Variants in DENND4A observed in about 807,000 individuals in gnomAD.
The protein encoded by DENND4A is C-myc promoter-binding protein.
Under a neutral mutation model 199.3 loss-of-function variants are expected in DENND4A, and 70 were observed. The observed-to-expected ratio is 0.35, with a 90% CI of 0.29 to 0.43. DENND4A has a LOEUF of 0.43. Among genes scored for constraint, DENND4A ranks in the 20% least tolerant of loss-of-function variants. The pLI, the probability that DENND4A is intolerant of heterozygous loss-of-function variation, is 1.00. For synonymous variants in DENND4A, 686 were observed against 766.9 expected, an observed-to-expected ratio of 0.89 and a Z score of 1.74; for missense variants, 1,723 against 2,255.8, an observed-to-expected ratio of 0.76 and a Z score of 4.78.
intron 23 of DENND4A, among the ~76,000 whole-genome samples, chr15:65,689,770 A>G (rs1431321392): frequency 6.6e-6 from 1 of 152,218 alleles, no homozygotes; most frequent in South Asian, 2.1e-4. Context: ...TGAGGCCCTT[A>G]AAGTCTTCAA....
At chr15:65,727,768 C>T (rs1175003564) in intron 11 of DENND4A, 7 of 331,942 alleles carry the variant, frequency 2.1e-5, no homozygotes, top group East Asian at 1.9e-4. Flanking sequence ...TTTCCTCTTC[C>T]CTGAATAGAT....
In DENND4A at chr15:65,752,492, T is replaced by C. The variant is rs2076593970; in HGVS notation, c.448A>G (p.Asn150Asp). The C allele has an allele frequency of 1.2e-6, 2 of 1,613,612 alleles. No individual in the cohort carries two copies. Among genetic ancestry groups the C allele is most frequent in the Non-Finnish European group, 1.7e-6 (2 of 1,179,808 alleles). ...ACAGCCAACGTATTCTGAGTCATGT[T>C]TTCAGAGGCTCTTCGGTAAGTGATA... ...IYITYRRASE[N>D]MTQNTLAVTD... The change falls in exon 4 of 33, where the codon AAC becomes GAC. Residue 150 changes from asparagine to aspartate, a missense_variant. Coordinates refer to ENST00000443035, the MANE Select transcript of DENND4A (RefSeq NM_001320835.1).
chr15:65,773,804 T>G (rs1355228649), intron 1 of DENND4A, among the ~76,000 whole-genome samples: 1 of 152,200 alleles, frequency 6.6e-6, no homozygotes, highest in Admixed American at 6.5e-5. Context: ...TTTCCTTCTC[T>G]CCTTCTCATC....
chr15:65,736,675 G>A (rs1030855673), intron 7 of DENND4A, among the ~76,000 whole-genome samples: 1 of 152,104 alleles, frequency 6.6e-6, no homozygotes, highest in Non-Finnish European at 1.5e-5. Context: ...TCAAAAAAAA[G>A]AATATCCCAA....
chr15:65,705,142 T>C (rs1334386740), intron 15 of DENND4A, among the ~76,000 whole-genome samples: 3 of 152,186 alleles, frequency 2.0e-5, no homozygotes, highest in African/African-American at 7.2e-5. Flanking sequence ...CATCACTGGA[T>C]GAAAAGAGTA....
At chr15:65,778,873 GAC>G (rs1417960265) in intron 1 of DENND4A, among the ~76,000 whole-genome samples, 2 of 139,456 alleles carry the variant, frequency 1.4e-5, no homozygotes, top group Non-Finnish European at 3.0e-5. Flanking sequence ...CAGCCCGGGT[GAC>G]ACAACGAGAC....
intron 23 of DENND4A, among the ~76,000 whole-genome samples, chr15:65,679,670 A>T (rs2076504506): frequency 6.6e-6 from 1 of 151,452 alleles, no homozygotes; most frequent in Admixed American, 6.6e-5. Flanking sequence ...AGCTGGGACC[A>T]CAGGCATGCA....
chr15:65,776,057 C>T (rs2077275851), intron 1 of DENND4A, among the ~76,000 whole-genome samples: 2 of 152,128 alleles, frequency 1.3e-5, no homozygotes, highest in Admixed American at 1.3e-4. Flanking sequence ...TTTTTGTATG[C>T]TTCTAGAGTA....
In DENND4A at chr15:65,775,409, G is replaced by A. The variant is rs1245861994; in HGVS notation, c.-101-13971C>T. On this transcript the variant is annotated intron_variant, in intron 1 of 32. Coordinates refer to ENST00000443035, the MANE Select transcript of DENND4A (RefSeq NM_001320835.1). Reference sequence around the variant, plus strand: ...TAATCCCAGCACTTTGGGAGGCTGAGGCAGGCAGATCACCTGAGGTTAGGA... The same window carrying A: ...TAATCCCAGCACTTTGGGAGGCTGAAGCAGGCAGATCACCTGAGGTTAGGA... Among the ~76,000 whole-genome samples the A allele has an allele frequency of 2.0e-5, 3 of 151,620 alleles. No homozygotes were observed. In the East Asian group the frequency reaches 5.8e-4, roughly 30 times the overall value.
At position 65,700,587 on chromosome 15, in the gene DENND4A, C is replaced by T. The variant is rs904722191; in HGVS notation, c.2790G>A (p.Thr930=). The change falls in exon 20 of 33, where the codon ACG becomes ACA. Residue 930 remains threonine, a synonymous_variant. Coordinates refer to ENST00000443035, the MANE Select transcript of DENND4A (RefSeq NM_001320835.1). ...CAGTAGCATATACTTTGATTAAACC[C>T]GTATTAAAAGGTGCCTGCTCCACAG... The part of the protein sequence containing the change: ...THTVEQAPFN[T]GLIKVYATDD... 32 of 1,544,748 alleles carry T rather than the reference C, an allele frequency of 2.1e-5. No homozygotes were observed. The highest frequency in any genetic ancestry group is 5.0e-5 in the East Asian group (2 of 40,402).
chr15:65,676,409 A>G (rs1204756092), intron 24 of DENND4A, 36 bp downstream of exon 24: 1 of 1,440,410 alleles, frequency 6.9e-7, no homozygotes. Flanking sequence ...TGAAACTACA[A>G]ATCAAATGCA....
intron 11 of DENND4A, among the ~76,000 whole-genome samples, chr15:65,726,774 G>A (rs770564492): frequency 9.9e-5 from 15 of 151,930 alleles, no homozygotes; most frequent in African/African-American, 3.6e-4. Context: ...TGGCCAACAC[G>A]GTGAAAACCC....
chr15:65,729,291 T>C, intron 10 of DENND4A, 44 bp from the exon 11 acceptor site: 1 of 1,538,616 alleles, frequency 6.5e-7, no homozygotes, highest in East Asian at 2.4e-5. Flanking sequence ...TTTTTAACAC[T>C]GAAGCATAAT....
At chr15:65,667,829 G>C in intron 28 of DENND4A, 96 bp downstream of exon 28, 1 of 1,490,682 alleles carries the variant, frequency 6.7e-7, no homozygotes, top group East Asian at 2.3e-5. Context: ...ACTCTTCTTG[G>C]CAATAATAAA....
intron 15 of DENND4A, 73 bp downstream of exon 15, chr15:65,706,018 T>C: frequency 6.4e-6 from 9 of 1,398,350 alleles, no homozygotes; most frequent in Non-Finnish European, 8.4e-6. Context: ...AATACCACAG[T>C]CCTTAGAAAG....
At position 65,690,409 on chromosome 15, in the gene DENND4A, A is replaced by T; in HGVS notation, c.4179+6T>A. 6.5e-7 allele frequency: 1 copy of T among 1,550,104 alleles called. No individual in the cohort carries two copies. Among genetic ancestry groups the T allele is most frequent in the Non-Finnish European group, 8.7e-7 (1 of 1,149,338 alleles). ...AGTAAAAGTAGCAAATACTAACCAA[A>T]CTTACCTTAGATGATGTGGTGTACA... On this transcript the variant is annotated splice_donor_region_variant and intron_variant, in intron 23 of 32. Transcript: ENST00000443035.
At chr15:65,715,247 T>C (rs535584289) in intron 14 of DENND4A, 2 of 366,260 alleles carry the variant, frequency 5.5e-6, no homozygotes, top group South Asian at 8.1e-5. Context: ...ACTTGATTGC[T>C]ACAATAAAAC....
In DENND4A at chr15:65,738,844, A is replaced by G; in HGVS notation, c.663T>C (p.Tyr221=). 1 of 1,604,650 alleles carries G rather than the reference A, an allele frequency of 6.2e-7. No homozygotes were observed. Among genetic ancestry groups the G allele is most frequent in the Non-Finnish European group, 8.5e-7 (1 of 1,176,344 alleles). The change falls in exon 6 of 33, where the codon TAT becomes TAC. Residue 221 remains tyrosine, a synonymous_variant. Coordinates refer to ENST00000443035, the MANE Select transcript of DENND4A (RefSeq NM_001320835.1). ...CAGATTCCGGTAGTGAGAATGACTC[A>G]TAATCTTCTTGAGGATATCTACAAA... ...GLICRYPQED[Y]ESFSLPESVP...
chr15:65,747,669 C>T (rs2076438042), intron 4 of DENND4A, among the ~76,000 whole-genome samples: 1 of 152,068 alleles, frequency 6.6e-6, no homozygotes, highest in South Asian at 2.1e-4. Flanking sequence ...ATCAATACAC[C>T]CCAGTTTTTC....
Sources: allele counts gnomAD v4.1 joint callset (sites outside exome capture counted in the v4.1 genomes callset), GRCh38; gene constraint gnomAD v4.1.1; transcripts MANE v1.5; gene names NCBI Gene and HGNC (gene_info 2026-07-23, HGNC 2026-07-21).